Variants in RYR3 observed in about 807,000 individuals in gnomAD.
RYR3 encodes ryanodine receptor 3, also known as brain ryanodine receptor-calcium release channel.
A neutral mutation model predicts 584.3 loss-of-function variants in RYR3; 207 were observed. That is an observed-to-expected ratio of 0.35 (90% CI 0.32 to 0.40). RYR3 has a LOEUF of 0.40. Among genes scored for constraint, RYR3 ranks in the 10% least tolerant of loss-of-function variants. The pLI is 1.00. For synonymous variants in RYR3, 2,416 were observed against 2,248.5 expected, an observed-to-expected ratio of 1.07 and a Z score of -2.11; for missense variants, 5,616 against 6,089.2, an observed-to-expected ratio of 0.92 and a Z score of 2.59.
chr15:33,566,918 G>T (rs2057747838), intron 12 of RYR3, 119 bp downstream of exon 12: 1 of 1,138,472 alleles, frequency 8.8e-7, no homozygotes, highest in African/African-American at 1.5e-5. Context: ...CACCAGCAAA[G>T]AGTTTTACCA....
chr15:33,849,589 A>G (rs2078956838), intron 94 of RYR3: 1 of 152,190 alleles, frequency 6.6e-6, no homozygotes, highest in African/African-American at 2.4e-5. Context: ...CAGTTGATTC[A>G]CAAGTAAGTG....
At chr15:33,636,260 C>T in intron 26 of RYR3, 116 bp from the exon 27 acceptor site, 1 of 881,706 alleles carries the variant, frequency 1.1e-6, no homozygotes, top group Non-Finnish European at 1.8e-6. Context: ...CTTGAGTGTC[C>T]CCTAGAAATC....
intron 75 of RYR3, among the ~76,000 whole-genome samples, chr15:33,817,375 CA>C (rs1488680593): frequency 6.6e-6 from 1 of 152,154 alleles, no homozygotes; most frequent in East Asian, 1.9e-4. Context: ...TTTGGCCTTT[CA>C]GAAAATTTGG....
In RYR3 at chr15:33,662,772, C is replaced by T. The variant is rs1009308978; in HGVS notation, c.5242C>T (p.Leu1748Phe). The T allele has an allele frequency of 2.5e-6, 4 of 1,614,052 alleles. No individual in the cohort carries two copies. Residue 1748 changes from leucine to phenylalanine, a missense_variant, in exon 35 of 104, where the codon CTC (leucine) becomes TTC (phenylalanine). By Grantham distance (22) the Leu-to-Phe change is conservative. Around this residue, in one of 9 missense-constraint regions of RYR3, gnomAD observed 753 missense variants for 741.0 expected, o/e 1.02. Coordinates refer to ENST00000634891, the MANE Select transcript of RYR3 (RefSeq NM_001036.6). ...FDDDDVRQIL[L>F]LIDPSVFGEH... ...TGATGATGATGTTCGGCAGATCCTCCTCCTGATTGATCCCTCTGTGTTTGG... is the reference window on the plus strand; with the variant it reads ...TGATGATGATGTTCGGCAGATCCTCTTCCTGATTGATCCCTCTGTGTTTGG...
At chr15:33,783,492 T>C (rs892838361) in intron 65 of RYR3, among the ~76,000 whole-genome samples, 1 of 152,200 alleles carries the variant, frequency 6.6e-6, no homozygotes, top group South Asian at 2.1e-4. Context: ...CAATTACGTA[T>C]AAATAACTTT....
chr15:33,772,012 A>C lies in RYR3; in HGVS notation c.8909A>C (p.Asn2970Thr), dbSNP rs1403619085. The stretch of plus-strand genomic sequence containing the variant: ...GAAGATTTGGAGAAGACTTCAGAAA[A>C]CCTGAAACTTGGGAAGTTCACCCAT... ...AAEDLEKTSE[N>T]LKLGKFTHSR... Residue 2970 changes from asparagine to threonine, a missense_variant, in exon 63 of 104, where the codon AAC becomes ACC. Asn to Thr is a moderately conservative substitution (Grantham distance 65, BLOSUM62 0). Transcript: ENST00000634891. 1 of 1,613,580 alleles carries C rather than the reference A, an allele frequency of 6.2e-7. No individual in the cohort carries two copies. Among genetic ancestry groups the C allele is most frequent in the Non-Finnish European group, 8.5e-7 (1 of 1,179,796 alleles).
intron 1 of RYR3, among the ~76,000 whole-genome samples, chr15:33,440,204 T>C (rs2046102715): frequency 6.6e-6 from 1 of 152,152 alleles, no homozygotes; most frequent in South Asian, 2.1e-4. Context: ...GGAGGATCAC[T>C]TGAGCCTGGG....
At chr15:33,653,363 A>G (rs952005329) in intron 32 of RYR3, among the ~76,000 whole-genome samples, 1 of 152,192 alleles carries the variant, frequency 6.6e-6, no homozygotes, top group African/African-American at 2.4e-5. Flanking sequence ...TGACTACCTC[A>G]TAAGATGCTT....
intron 19 of RYR3, among the ~76,000 whole-genome samples, chr15:33,622,403 GAGTTA>G (rs1235877597): frequency 2.6e-5 from 4 of 152,154 alleles, no homozygotes; most frequent in Non-Finnish European, 4.4e-5. Context: ...TTACCCCTCA[GAGTTA>G]GCTCGCATGT....
chr15:33,606,004 G>C (rs79452262), intron 18 of RYR3, among the ~76,000 whole-genome samples: 1 of 152,142 alleles, frequency 6.6e-6, no homozygotes, highest in East Asian at 1.9e-4. Flanking sequence ...ACATACTGAA[G>C]TATGTCTTTA....
intron 43 of RYR3, among the ~76,000 whole-genome samples, chr15:33,707,524 ATAT>A (rs1400687711): frequency 6.6e-6 from 1 of 152,172 alleles, no homozygotes; most frequent in African/African-American, 2.4e-5. Flanking sequence ...ACAACCCTAA[ATAT>A]TATTTGTCAT....
At chr15:33,724,832 C>G (rs548296719) in intron 45 of RYR3, among the ~76,000 whole-genome samples, 1 of 152,184 alleles carries the variant, frequency 6.6e-6, no homozygotes, top group African/African-American at 2.4e-5. Context: ...GATCTGAATT[C>G]CTAGGATTCC....
chr15:33,336,081 A>G (rs1466034165), intron 1 of RYR3, among the ~76,000 whole-genome samples: 1 of 152,174 alleles, frequency 6.6e-6, no homozygotes, highest in Admixed American at 6.5e-5. Context: ...AAACTTAAGT[A>G]CAGATTAAAG....
At chr15:33,781,704 G>A (rs1414664714) in intron 65 of RYR3, among the ~76,000 whole-genome samples, 1 of 152,180 alleles carries the variant, frequency 6.6e-6, no homozygotes, top group East Asian at 1.9e-4. Context: ...CTAGAATACA[G>A]TGGAGACTAG....
At chr15:33,508,775 T>C (rs1416201864) in intron 3 of RYR3, among the ~76,000 whole-genome samples, 2 of 152,236 alleles carry the variant, frequency 1.3e-5, no homozygotes, top group African/African-American at 4.8e-5. Flanking sequence ...ACTTGTGTGA[T>C]TTGATAGTCC....
chr15:33,853,929 C>G (rs189903245), intron 96 of RYR3, among the ~76,000 whole-genome samples: 7 of 152,220 alleles, frequency 4.6e-5, no homozygotes, highest in Non-Finnish European at 8.8e-5. Context: ...CGCAGTGGCT[C>G]ATACCTGTAA....
chr15:33,802,145 C>T, intron 69 of RYR3, 184 bp downstream of exon 69: 1 of 743,072 alleles, frequency 1.3e-6, no homozygotes, highest in Middle Eastern at 2.3e-4. Flanking sequence ...TAAGCATGGT[C>T]ATCACATTTT....
At chr15:33,372,235 A>G (rs2040382744) in intron 1 of RYR3, among the ~76,000 whole-genome samples, 1 of 152,146 alleles carries the variant, frequency 6.6e-6, no homozygotes, top group Non-Finnish European at 1.5e-5. Flanking sequence ...TCTGTTGCCC[A>G]GGCTGGAGTG....
rs541367416 is a variant in RYR3 at position 33,655,511 on chromosome 15, CTG to C, written c.4308+2631_4308+2632del. 1.0e-3 allele frequency among the ~76,000 whole-genome samples: 159 copies of C among 152,326 alleles called. 2 individuals carry two copies. Among genetic ancestry groups the C allele is most frequent in the African/African-American group, 3.7e-3 (153 of 41,568 alleles). On this transcript the variant is annotated intron_variant, in intron 32 of 103. Transcript: ENST00000634891. The stretch of plus-strand genomic sequence containing the variant: ...ACCTGTGATGTTGAAGAGGAGGACA[CTG>C]TGACAGCTTTAGCCCACCTTTCACC...
Sources: allele counts gnomAD v4.1 joint callset (sites outside exome capture counted in the v4.1 genomes callset), GRCh38; gene constraint gnomAD v4.1.1; regional missense constraint gnomAD v4.1.1; transcripts MANE v1.5; gene names NCBI Gene and HGNC (gene_info 2026-07-23, HGNC 2026-07-21).